EIF5: variants seen among roughly 807,000 people sequenced by gnomAD.
EIF5 encodes the protein eukaryotic translation initiation factor 5.
Under a neutral mutation model 48.3 loss-of-function variants are expected in EIF5, and 10 were observed. The observed-to-expected ratio is 0.21, with a 90% CI of 0.13 to 0.35. The LOEUF (loss-of-function observed/expected upper bound fraction) is 0.35, where lower values mean the gene tolerates loss of function less well. Ranked by LOEUF, EIF5 falls within the 10% of genes least tolerant of loss-of-function variation. The pLI is 1.00. For missense variants in EIF5, 397 were observed against 533.2 expected, an observed-to-expected ratio of 0.74 and a Z score of 2.51; for synonymous variants, 237 against 173.1, an observed-to-expected ratio of 1.37 and a Z score of -2.90.
chr14:103,342,550 G>C lies in EIF5; in HGVS notation c.*1498G>C, dbSNP rs1259258734. On this transcript the variant is annotated 3_prime_UTR_variant, in exon 12 of 12. Transcript: ENST00000216554. Reference sequence around the variant, plus strand: ...TCTGTTTTTTTGTGATTATTTCACAGATAATGAGACCTTAATAACAAATAG... The same window carrying C: ...TCTGTTTTTTTGTGATTATTTCACACATAATGAGACCTTAATAACAAATAG... 3.3e-5 allele frequency: 5 copies of C among 152,270 alleles called. No homozygotes were observed. The highest frequency in any genetic ancestry group is 7.2e-5 in the African/African-American group (3 of 41,442). The allele number at this position is 152,270 out of a possible 1,614,324, so 9.4% of individuals were successfully genotyped here.
intron 6 of EIF5, 153 bp from the exon 7 acceptor site, chr14:103,338,174 A>G: frequency 9.6e-6 from 10 of 1,036,294 alleles, no homozygotes; most frequent in African/African-American, 1.6e-5. Flanking sequence ...GATGAATTTG[A>G]TCTGTGAAGC....
intron 4 of EIF5, 124 bp from the exon 5 acceptor site, chr14:103,336,553 C>G: frequency 9.2e-7 from 1 of 1,091,650 alleles, no homozygotes; most frequent in Non-Finnish European, 1.3e-6. Context: ...TGCACTCCAG[C>G]CTGGGTGACA....
At position 103,341,133 on chromosome 14, in the gene EIF5, C is replaced by T; in HGVS notation, c.*81C>T. 7.6e-7 allele frequency: 1 copy of T among 1,308,904 alleles called. No homozygotes were observed. The highest frequency in any genetic ancestry group is 1.1e-6 in the Non-Finnish European group (1 of 908,532). The allele number at this position is 1,308,904 out of a possible 1,614,324, so 81.1% of individuals were successfully genotyped here. A position where few individuals can be genotyped will look rare whatever the true frequency, so the allele number is the denominator to read the frequency against. On this transcript the variant is annotated 3_prime_UTR_variant, in exon 12 of 12. Coordinates refer to ENST00000216554, the MANE Select transcript of EIF5 (RefSeq NM_001969.5). The stretch of plus-strand genomic sequence containing the variant: ...CAGCCAGAAGTGCAACATGTATGTG[C>T]AAAAGCTAAAATGGCTTAACATCAT...
chr14:103,340,834 C>G (rs1022011782), intron 11 of EIF5, 129 bp from the exon 12 acceptor site: 1 of 995,908 alleles, frequency 1.0e-6, no homozygotes, highest in Non-Finnish European at 1.5e-6. Context: ...GTTTGCATAA[C>G]AGAGCTGTTC....
At chr14:103,338,249 G>A in intron 6 of EIF5, 78 bp from the exon 7 acceptor site, 1 of 1,551,354 alleles carries the variant, frequency 6.4e-7, no homozygotes, top group South Asian at 1.2e-5. Context: ...AATAAGGGCA[G>A]GGTTTTAAAC....
chr14:103,336,636 A>G, intron 4 of EIF5, 41 bp from the exon 5 acceptor site: 1 of 1,557,240 alleles, frequency 6.4e-7, no homozygotes, highest in Non-Finnish European at 8.7e-7. Context: ...CCAGAGATCT[A>G]GTTAACTGTA....
rs2089349148 is a variant in EIF5 at position 103,341,193 on chromosome 14, TG to T, written c.*143del. 1 of 706,456 alleles carries T rather than the reference TG, an allele frequency of 1.4e-6. No individual in the cohort carries two copies. Among genetic ancestry groups the T allele is most frequent in the Non-Finnish European group, 2.4e-6 (1 of 410,112 alleles). The allele number at this position is 706,456 out of a possible 1,614,324, so 43.8% of individuals were successfully genotyped here. A position where few individuals can be genotyped will look rare whatever the true frequency, so the allele number is the denominator to read the frequency against. Reference sequence around the variant, plus strand: ...TACACTAAAAATCTATTACTGTGAGTGGTCTGTTATTAAGCCCAATGAGACA... The same window carrying T: ...TACACTAAAAATCTATTACTGTGAGTGTCTGTTATTAAGCCCAATGAGACA... On this transcript the variant is annotated 3_prime_UTR_variant, in exon 12 of 12. Transcript: ENST00000216554.
chr14:103,336,311 TTGGCTCACACC>T lies in EIF5; in HGVS notation c.154+197_154+207del, dbSNP rs766942603. ...TTTAAAGAGTGGATGGCTGGGCGCG[TTGGCTCACACC>T]TGTAACCCCCAGCACTTTGGAAGGC... On this transcript the variant is annotated intron_variant, in intron 4 of 11. Transcript: ENST00000216554. 964 of 660,726 alleles carry T rather than the reference TTGGCTCACACC, an allele frequency of 1.5e-3. 17 individuals are homozygous for T. The highest frequency in any genetic ancestry group is 4.2e-4 in the Middle Eastern group (1 of 2,382). The allele number at this position is 660,726 out of a possible 1,614,324, so 40.9% of individuals were successfully genotyped here. A position where few individuals can be genotyped will look rare whatever the true frequency, so the allele number is the denominator to read the frequency against.
At chr14:103,339,445 C>A in intron 9 of EIF5, 112 bp downstream of exon 9, 1 of 1,447,358 alleles carries the variant, frequency 6.9e-7, no homozygotes, top group Non-Finnish European at 9.3e-7. Flanking sequence ...GGAAATTGAC[C>A]CACCTTACAA....
At chr14:103,336,613 TGTGA>T (rs148149408) in intron 4 of EIF5, 60 bp from the exon 5 acceptor site, 34,617 of 1,481,444 alleles carry the variant, frequency 0.023, 471 homozygotes, top group East Asian at 0.032. Context: ...TTCGTACAAA[TGTGA>T]GTGAGTAGCC....
In EIF5 at chr14:103,339,805, TG is replaced by T; in HGVS notation, c.1071+6del. On this transcript the variant is annotated splice_donor_region_variant and intron_variant, in intron 10 of 11. Transcript: ENST00000216554. Reference sequence around the variant, plus strand: ...GTCATCATCAGCTGGTCGGAAAAGGTGGGGAATACATAGGTGGGCTCTTAAA... The same window carrying T: ...GTCATCATCAGCTGGTCGGAAAAGGTGGGAATACATAGGTGGGCTCTTAAA... 2 of 1,613,758 alleles carry T rather than the reference TG, an allele frequency of 1.2e-6. No homozygotes were observed. Among genetic ancestry groups the T allele is most frequent in the Non-Finnish European group, 1.7e-6 (2 of 1,179,840 alleles).
At chr14:103,340,275 C>A in intron 10 of EIF5, 152 bp from the exon 11 acceptor site, 1 of 774,458 alleles carries the variant, frequency 1.3e-6, no homozygotes, top group Non-Finnish European at 2.1e-6. Flanking sequence ...TAACAGACTG[C>A]TGAGACTAAC....
At chr14:103,334,980 C>T (rs1278351541) in intron 2 of EIF5, 1 of 152,254 alleles carries the variant, frequency 6.6e-6, no homozygotes, top group Non-Finnish European at 1.5e-5. Context: ...GGTCGCGCGC[C>T]CCCCTCCTTC....
rs1278848672 is a variant in EIF5 at position 103,340,530 on chromosome 14, G to C, written c.1175G>C (p.Gly392Ala). ...GAGGCAGAGGAAGAATCTTCTGGTG[G>C]CGAAGAAGAAGATGAAGATGAGAAC... ...LKEAEEESSG[G>A]EEEDEDENIE... The change falls in exon 11 of 12, where the codon GGC becomes GCC. Residue 392 changes from glycine to alanine, a missense_variant. By Grantham distance (60) the Gly-to-Ala change is moderately conservative (BLOSUM62 0). Transcript: ENST00000216554. 1 of 1,612,722 alleles carries C rather than the reference G, an allele frequency of 6.2e-7. No homozygotes were observed. The highest frequency in any genetic ancestry group is 8.5e-7 in the Non-Finnish European group (1 of 1,178,876).
chr14:103,340,931 C>T (rs775771963), intron 11 of EIF5, 32 bp from the exon 12 acceptor site: 2 of 1,590,684 alleles, frequency 1.3e-6, no homozygotes, highest in Non-Finnish European at 1.7e-6. Flanking sequence ...GATTTATCAG[C>T]TTATGTTGAA....
chr14:103,335,498 G>A, intron 2 of EIF5, 155 bp from the exon 3 acceptor site: 3 of 298,292 alleles, frequency 1.0e-5, no homozygotes, highest in Middle Eastern at 2.3e-3. Flanking sequence ...ATTGTACTGT[G>A]TTACATGAGA....
In EIF5 at chr14:103,336,102, A is replaced by C; in HGVS notation, c.139A>C (p.Asn47His). 1 of 1,614,234 alleles carries C rather than the reference A, an allele frequency of 6.2e-7. No individual in the cohort carries two copies. The highest frequency in any genetic ancestry group is 8.5e-7 in the Non-Finnish European group (1 of 1,180,034). ...VNMVDVAKAL[N>H]RPPTYPTKYF... ...CATGGTTGACGTTGCAAAGGCGCTT[A>C]ATCGGCCTCCAACGTGTAAGTAAAG... Residue 47 changes from asparagine to histidine, a missense_variant, in exon 4 of 12, where the codon AAT (asparagine) becomes CAT (histidine). Asn to His is a moderately conservative substitution (Grantham distance 68, BLOSUM62 1). This residue lies in a region of EIF5 where 108 missense variants were observed against 188.3 expected (regional missense o/e 0.57). Coordinates refer to ENST00000216554, the MANE Select transcript of EIF5 (RefSeq NM_001969.5).
In EIF5 at chr14:103,340,568, A is replaced by T; in HGVS notation, c.1206+7A>T. The T allele has an allele frequency of 6.2e-7, 1 of 1,607,458 alleles. No individual in the cohort carries two copies. The highest frequency in any genetic ancestry group is 2.2e-5 in the East Asian group (1 of 44,638). On this transcript the variant is annotated splice_region_variant and intron_variant, in intron 11 of 11. Coordinates refer to ENST00000216554, the MANE Select transcript of EIF5 (RefSeq NM_001969.5). ...TGAAGATGAGAACATTGAGGTAAAC[A>T]TTGGGGGAGGAGGGTATTGGATACA...
At chr14:103,335,955 A>C in intron 3 of EIF5, 23 bp downstream of exon 3, 2 of 1,614,116 alleles carry the variant, frequency 1.2e-6, no homozygotes, top group Non-Finnish European at 1.7e-6. Flanking sequence ...TCTTCAATTT[A>C]GTTGATAGCT....
Sources: gnomAD v4.1 joint callset for allele counts on GRCh38, gnomAD v4.1.1 for gene constraint, gnomAD v4.1.1 regional missense constraint, MANE v1.5 for transcripts, NCBI Gene and HGNC (gene_info 2026-07-23, HGNC 2026-07-21) for gene names.